The following CLASP1 variants were observed in gnomAD, a reference collection of about 807,000 sequenced individuals.
The protein encoded by CLASP1 is CLIP-associating protein 1.
A neutral mutation model predicts 192.3 loss-of-function variants in CLASP1; 38 were observed. The observed-to-expected ratio is 0.20, with a 90% CI of 0.15 to 0.26. CLASP1 has a LOEUF of 0.26. Ranked by LOEUF, CLASP1 falls within the 10% of genes least tolerant of loss-of-function variation. The probability of loss-of-function intolerance (pLI) is 1.00; values close to 1 mark genes in which losing one functional copy is unlikely to be tolerated. For missense variants in CLASP1, 1,433 were observed against 1,932.5 expected (o/e 0.74, Z 4.85); for synonymous variants, 691 against 712.8 (o/e 0.97, Z 0.49).
At chr2:121,434,387 T>C (rs535969279) in intron 19 of CLASP1, among the ~76,000 whole-genome samples, 61 of 152,210 alleles carry the variant, frequency 4.0e-4, no homozygotes, top group Middle Eastern at 3.4e-3. Context: ...TTCTAGTAGC[T>C]GGGAGCAGCT....
intron 23 of CLASP1, among the ~76,000 whole-genome samples, chr2:121,411,266 G>A (rs1414528213): frequency 6.6e-6 from 1 of 152,234 alleles, no homozygotes; most frequent in East Asian, 1.9e-4. Context: ...GCTATGAGTT[G>A]AGTCTTTTAA....
Position 121,530,847 on chromosome 2 carries a change from C to T in CLASP1, c.196-522G>A, listed in dbSNP as rs537056485. 14 of 668,346 alleles carry T rather than the reference C, an allele frequency of 2.1e-5. No individual in the cohort carries two copies. The African/African-American group carries it at 2.5e-4, about 12-fold the overall frequency. The allele number at this position is 668,346 out of a possible 1,614,324, so 41.4% of individuals were successfully genotyped here. On this transcript the variant is annotated intron_variant, in intron 2 of 39. Transcript: ENST00000263710. ...ACCACAACCCTACCAGGTATTGGCG[C>T]TTCCTGCTTGCAGCCCAGGGACTTT...
intron 8 of CLASP1, among the ~76,000 whole-genome samples, chr2:121,480,719 T>C (rs1260136749): frequency 6.6e-6 from 1 of 152,130 alleles, no homozygotes; most frequent in Admixed American, 6.5e-5. Context: ...CAGCCCAGGG[T>C]AACCACCCTC....
chr2:121,480,726 C>G (rs2092528224), intron 8 of CLASP1, among the ~76,000 whole-genome samples: 1 of 152,186 alleles, frequency 6.6e-6, no homozygotes, highest in African/African-American at 2.4e-5. Context: ...GGGTAACCAC[C>G]CTCCCCCACT....
chr2:121,532,394 G>C (rs1435258108), intron 2 of CLASP1: 1 of 152,208 alleles, frequency 6.6e-6, no homozygotes, highest in African/African-American at 2.4e-5. Flanking sequence ...GTATGAAGTG[G>C]AGGAGTAACT....
rs1559368821 is a variant in CLASP1, at chr2:121,478,882, A to ACACAC, written c.713-8927_713-8923dup. Among the ~76,000 whole-genome samples, 32 of 80,638 alleles carry ACACAC rather than the reference A, an allele frequency of 4.0e-4. 2 individuals are homozygous for ACACAC. The highest frequency in any genetic ancestry group is 1.8e-3 in the African/African-American group (29 of 16,186). The allele number at this position is 80,638 out of a possible 152,430, so 52.9% of individuals were successfully genotyped here. A position where few individuals can be genotyped will look rare whatever the true frequency, so the allele number is the denominator to read the frequency against. ...ACACCACACACACACCACACCACAC[A>ACACAC]CACACCACACACACACACCACACCA... On this transcript the variant is annotated intron_variant, in intron 8 of 39. Transcript: ENST00000263710.
At chr2:121,375,052 A>C (rs1003794726) in intron 34 of CLASP1, among the ~76,000 whole-genome samples, 4 of 152,162 alleles carry the variant, frequency 2.6e-5, no homozygotes, top group African/African-American at 9.7e-5. Context: ...CTGTGTCCCC[A>C]CCCAAATCTC....
intron 23 of CLASP1, among the ~76,000 whole-genome samples, chr2:121,411,380 G>A (rs6718318): frequency 0.3 from 45,024 of 152,082 alleles, 10,546 homozygotes; most frequent in African/African-American, 0.65. Context: ...TGTGGTAAAA[G>A]CTTAAAATTT....
In CLASP1 at chr2:121,530,875, A is replaced by G. The variant is rs116768084; in HGVS notation, c.196-550T>C. On this transcript the variant is annotated intron_variant, in intron 2 of 39. Transcript: ENST00000263710. ...CCTGCTTGCAGCCCAGGGACTTTCT[A>G]TTATAACCATCCTTTTCTTGGGGTT... 6.6e-4 allele frequency: 456 copies of G among 689,840 alleles called. 5 individuals are homozygous for G. Among genetic ancestry groups the G allele is most frequent in the Middle Eastern group, 5.9e-3 (16 of 2,702 alleles). The allele number at this position is 689,840 out of a possible 1,614,324, so 42.7% of individuals were successfully genotyped here.
chr2:121,383,505 G>C (rs553504013), intron 32 of CLASP1, among the ~76,000 whole-genome samples: 1 of 152,032 alleles, frequency 6.6e-6, no homozygotes, highest in Admixed American at 6.5e-5. Context: ...ACCCACCTCC[G>C]AGTGTGGGGT....
At chr2:121,565,677 G>C (rs1279083351) in intron 2 of CLASP1, among the ~76,000 whole-genome samples, 1 of 152,150 alleles carries the variant, frequency 6.6e-6, no homozygotes, top group African/African-American at 2.4e-5. Context: ...TGTGAGCCCA[G>C]AGCCTTTTTT....
At chr2:121,345,053 G>A (rs1016766116) in intron 39 of CLASP1, among the ~76,000 whole-genome samples, 8 of 152,188 alleles carry the variant, frequency 5.3e-5, no homozygotes, top group Admixed American at 1.3e-4. Context: ...CAGCTACTCG[G>A]GAGGCTGAGG....
intron 14 of CLASP1, among the ~76,000 whole-genome samples, chr2:121,456,126 T>C (rs911791113): frequency 6.6e-6 from 1 of 152,076 alleles, no homozygotes; most frequent in Non-Finnish European, 1.5e-5. Flanking sequence ...AAGAGCTTGA[T>C]TTAACCATTA....
chr2:121,476,294 C>T (rs1325736650), intron 8 of CLASP1, among the ~76,000 whole-genome samples: 1 of 152,092 alleles, frequency 6.6e-6, no homozygotes, highest in Non-Finnish European at 1.5e-5. Flanking sequence ...TAAGAAAGCC[C>T]CAGCAGAGCC....
chr2:121,380,307 T>C (rs1317858929), intron 33 of CLASP1, among the ~76,000 whole-genome samples: 1 of 152,150 alleles, frequency 6.6e-6, no homozygotes, highest in Non-Finnish European at 1.5e-5. Flanking sequence ...CAATCTGCCA[T>C]CTGCCCCACA....
chr2:121,491,778 A>C (rs369984391), intron 8 of CLASP1, among the ~76,000 whole-genome samples: 46 of 152,372 alleles, frequency 3.0e-4, no homozygotes, highest in Non-Finnish European at 5.4e-4. Flanking sequence ...TATTACAGAC[A>C]GGAAGCCCAT....
intron 9 of CLASP1, among the ~76,000 whole-genome samples, chr2:121,463,709 T>C (rs1055585736): frequency 2.6e-5 from 4 of 151,992 alleles, no homozygotes; most frequent in African/African-American, 4.8e-5. Flanking sequence ...TTAAACAACA[T>C]GCAAAAAGGA....
intron 30 of CLASP1, among the ~76,000 whole-genome samples, chr2:121,388,529 C>A (rs1438813495): frequency 6.6e-6 from 1 of 152,174 alleles, no homozygotes; most frequent in Non-Finnish European, 1.5e-5. Context: ...TTAATTGAGT[C>A]AACACACTGC....
chr2:121,594,593 T>G (rs979108921), intron 2 of CLASP1, among the ~76,000 whole-genome samples: 1 of 151,874 alleles, frequency 6.6e-6, no homozygotes, highest in Non-Finnish European at 1.5e-5. Flanking sequence ...GGGTTTCACC[T>G]TGTTAGCCAG....
Sources: gnomAD v4.1 joint callset for allele counts (sites outside exome capture counted in the v4.1 genomes callset) on GRCh38, gnomAD v4.1.1 for gene constraint, MANE v1.5 for transcripts, NCBI Gene and HGNC (gene_info 2026-07-23, HGNC 2026-07-21) for gene names.